WHAMM: variants seen among roughly 807,000 people sequenced by gnomAD.
WHAMM encodes WASP homolog-associated protein with actin, membranes and microtubules.
In WHAMM, 67 loss-of-function variants were observed where a neutral mutation model predicts 76.5. The ratio of observed to expected loss-of-function variants is 0.88; its 90% CI spans 0.72 to 1.07. WHAMM has a LOEUF of 1.07. Ranked by LOEUF, WHAMM falls within the 50% of genes least tolerant of loss-of-function variation. WHAMM has a pLI of 0.00. For missense variants in WHAMM, 1,021 were observed against 1,051.1 expected (o/e 0.97, Z 0.40); for synonymous variants, 419 against 422.1 (o/e 0.99, Z 0.09).
chr15:82,815,900 A>G (rs955107708), intron 2 of WHAMM, among the ~76,000 whole-genome samples: 2 of 152,250 alleles, frequency 1.3e-5, no homozygotes, highest in African/African-American at 4.8e-5. Context: ...GGCTGTTATA[A>G]CAAAGTACCG....
At position 82,809,813 on chromosome 15, in the gene WHAMM, C is replaced by T; in HGVS notation, c.87C>T (p.Arg29=). The T allele has an allele frequency of 6.2e-7, 1 of 1,603,480 alleles. No individual in the cohort carries two copies. Residue 29 remains arginine (R), a synonymous_variant, in exon 1 of 10, where the codon CGC becomes CGT. Coordinates refer to ENST00000286760, the MANE Select transcript of WHAMM (RefSeq NM_001080435.3). ...LFAEPERHRL[R]FLVAWNGAEG... The stretch of plus-strand genomic sequence containing the variant: ...CCGAGCCCGAGAGGCACCGGCTGCG[C>T]TTCCTGGTGGCCTGGAACGGCGCGG...
rs1448566676 is a variant in WHAMM, at chr15:82,826,398, T to G, written c.1459-12T>G. 4 of 1,613,652 alleles carry G rather than the reference T, an allele frequency of 2.5e-6. No individual in the cohort carries two copies. The Admixed American group carries it at 5.0e-5, about 20-fold the overall frequency. On this transcript the variant is annotated splice_polypyrimidine_tract_variant and intron_variant, in intron 6 of 9. Coordinates refer to ENST00000286760, the MANE Select transcript of WHAMM (RefSeq NM_001080435.3). ...TTAAAAACCATGTAGGTGATTTGTATTATTCCACCAGGATCAGTGCAAAGA... is the reference window on the plus strand; with the variant it reads ...TTAAAAACCATGTAGGTGATTTGTAGTATTCCACCAGGATCAGTGCAAAGA...
intron 5 of WHAMM, among the ~76,000 whole-genome samples, chr15:82,820,561 A>G (rs2050802560): frequency 6.6e-6 from 1 of 152,154 alleles, no homozygotes; most frequent in Admixed American, 6.5e-5. Flanking sequence ...TCTAAATTTC[A>G]TGCTACATAA....
rs751633394 is a variant in WHAMM, at chr15:82,809,639, T to C, written c.-88T>C. ...ACGCGGTTTCGATTCTAGCGAAAAATGATTTGGCTCGGACTGTCCCGTGAC... is the reference window on the plus strand; with the variant it reads ...ACGCGGTTTCGATTCTAGCGAAAAACGATTTGGCTCGGACTGTCCCGTGAC... On this transcript the variant is annotated 5_prime_UTR_variant, in exon 1 of 10. The change abolishes an upstream ATG in the 5' untranslated region. Coordinates refer to ENST00000286760, the MANE Select transcript of WHAMM (RefSeq NM_001080435.3). The C allele has an allele frequency of 1.7e-6, 2 of 1,146,636 alleles. No individual in the cohort carries two copies. Among genetic ancestry groups the C allele is most frequent in the Non-Finnish European group, 2.2e-6 (2 of 893,256 alleles). 71.0% of individuals were successfully genotyped at this position (1,146,636 alleles called of 1,614,324 possible). A position where few individuals can be genotyped will look rare whatever the true frequency, so the allele number is the denominator to read the frequency against.
intron 2 of WHAMM, among the ~76,000 whole-genome samples, chr15:82,816,312 CA>C (rs1015724837): frequency 3.5e-4 from 53 of 152,158 alleles, no homozygotes; most frequent in African/African-American, 1.3e-3. Context: ...ACAGTAACAA[CA>C]GCTAATACTT....
chr15:82,819,536 G>A, intron 5 of WHAMM, 48 bp downstream of exon 5: 1 of 976,704 alleles, frequency 1.0e-6, no homozygotes, highest in Non-Finnish European at 1.4e-6. Context: ...TAAATTTAAG[G>A]AAATACAGAC....
intron 2 of WHAMM, 24 bp from the exon 3 acceptor site, chr15:82,816,668 G>A (rs1011929650): frequency 6.5e-6 from 10 of 1,529,176 alleles, no homozygotes; most frequent in Non-Finnish European, 8.8e-6. Context: ...CTCTTACTAA[G>A]AAAATTTTCC....
In WHAMM at chr15:82,810,019, G is replaced by C; in HGVS notation, c.293G>C (p.Trp98Ser). The C allele has an allele frequency of 8.0e-7, 1 of 1,256,836 alleles. No individual in the cohort carries two copies. The allele number at this position is 1,256,836 out of a possible 1,614,324, so 77.9% of individuals were successfully genotyped here. ...RGAHRQLAAL[W>S]PPLERCFPRL... Reference sequence around the variant, plus strand: ...GCGCACCGGCAGTTGGCGGCGCTGTGGCCGCCTCTGGAGCGCTGCTTCCCG... The same window carrying C: ...GCGCACCGGCAGTTGGCGGCGCTGTCGCCGCCTCTGGAGCGCTGCTTCCCG... Residue 98 changes from tryptophan to serine, a missense_variant, in exon 1 of 10, where the codon TGG (tryptophan) becomes TCG (serine). Trp to Ser is a radical substitution (Grantham distance 177). Transcript: ENST00000286760.
At chr15:82,826,149 G>A (rs4779068) in intron 6 of WHAMM, among the ~76,000 whole-genome samples, 18,634 of 152,124 alleles carry the variant, frequency 0.12, 1,491 homozygotes, top group East Asian at 0.39. Context: ...TAAGAATGGC[G>A]ACTGCCTATG....
At chr15:82,811,228 A>G (rs1390427633) in intron 1 of WHAMM, among the ~76,000 whole-genome samples, 1 of 152,210 alleles carries the variant, frequency 6.6e-6, no homozygotes, top group Non-Finnish European at 1.5e-5. Flanking sequence ...GTAAATATCT[A>G]CACACCCACT....
intron 6 of WHAMM, among the ~76,000 whole-genome samples, chr15:82,823,916 A>T (rs1220527714): frequency 6.6e-6 from 1 of 152,166 alleles, no homozygotes; most frequent in Non-Finnish European, 1.5e-5. Context: ...CTAATAGCCA[A>T]CTATAACAAT....
At chr15:82,828,507 G>C (rs2050974588) in intron 8 of WHAMM, among the ~76,000 whole-genome samples, 1 of 152,180 alleles carries the variant, frequency 6.6e-6, no homozygotes, top group African/African-American at 2.4e-5. Flanking sequence ...GAACTGGCTG[G>C]TCACCATCAC....
intron 2 of WHAMM, among the ~76,000 whole-genome samples, chr15:82,814,736 G>GCCA (rs1337780189): frequency 1.3e-5 from 2 of 149,196 alleles, no homozygotes; most frequent in Non-Finnish European, 3.0e-5. Context: ...GCAGACATGG[G>GCCA]CCACCACACC....
intron 5 of WHAMM, among the ~76,000 whole-genome samples, chr15:82,820,619 G>C (rs1289372482): frequency 6.6e-6 from 1 of 152,152 alleles, no homozygotes; most frequent in African/African-American, 2.4e-5. Flanking sequence ...CCCAGGCTGG[G>C]TGTGGTGGCT....
chr15:82,827,095 C>T (rs2050948869), intron 8 of WHAMM, among the ~76,000 whole-genome samples: 1 of 152,242 alleles, frequency 6.6e-6, no homozygotes, highest in Non-Finnish European at 1.5e-5. Context: ...CTGCACTCCT[C>T]ACTGAGTAGT....
In WHAMM at chr15:82,819,487, A is replaced by T. The variant is rs2050783551; in HGVS notation, c.1269A>T (p.Lys423Asn). The T allele has an allele frequency of 8.1e-7, 1 of 1,237,322 alleles. No homozygotes were observed. The highest frequency in any genetic ancestry group is 1.1e-6 in the Non-Finnish European group (1 of 928,752). 76.6% of individuals were successfully genotyped at this position (1,237,322 alleles called of 1,614,324 possible). Residue 423 changes from lysine to asparagine, a missense_variant and splice_region_variant, in exon 5 of 10, where the codon AAA becomes AAT. Physicochemically the swap from Lys to Asn is moderately conservative, Grantham distance 94. Transcript: ENST00000286760. ...TQLDSLKRLI[K>N]EKQDEVVYYD... ...TGGACTCTCTTAAAAGACTTATAAA[A>T]GGTAAAATTTAAGTATATAGATTGC... is the stretch of plus-strand genomic sequence containing the variant.
chr15:82,830,759 C>T lies in WHAMM; in HGVS notation c.1802C>T (p.Ala601Val). The part of the protein sequence containing the change: ...RKTRGVPLSE[A>V]GNVKSPKCQN... ...ACTAGAGGTGTTCCCCTATCGGAAG[C>T]TGGTAATGTGAAAAGCCCCAAGTGT... Residue 601 changes from alanine to valine, a missense_variant, in exon 9 of 10, where the codon GCT becomes GTT. Ala to Val is a moderately conservative substitution (Grantham distance 64). This residue lies in a region of WHAMM where 509 missense variants were observed against 492.3 expected (regional missense o/e 1.03). Transcript: ENST00000286760. The T allele has an allele frequency of 3.7e-6, 6 of 1,613,960 alleles. No homozygotes were observed. Among genetic ancestry groups the T allele is most frequent in the Non-Finnish European group, 3.4e-6 (4 of 1,179,886 alleles).
intron 1 of WHAMM, among the ~76,000 whole-genome samples, chr15:82,811,067 T>C (rs2050619937): frequency 6.6e-6 from 1 of 152,194 alleles, no homozygotes; most frequent in Non-Finnish European, 1.5e-5. Context: ...GTTATTAACC[T>C]GAATGATTTT....
chr15:82,829,007 C>T (rs767077370), intron 8 of WHAMM, among the ~76,000 whole-genome samples: 12 of 152,006 alleles, frequency 7.9e-5, no homozygotes, highest in Non-Finnish European at 1.8e-4. Flanking sequence ...GGGGACATAG[C>T]CAATTTGAGC....
Sources: allele counts gnomAD v4.1 joint callset (sites outside exome capture counted in the v4.1 genomes callset), GRCh38; gene constraint gnomAD v4.1.1; regional missense constraint gnomAD v4.1.1; transcripts MANE v1.5; gene names NCBI Gene and HGNC (gene_info 2026-07-23, HGNC 2026-07-21).